Variants in CFAP91 observed in about 807,000 individuals in gnomAD.
The protein encoded by CFAP91 is cilia and flagella associated protein 91.
Under a neutral mutation model 95.9 loss-of-function variants are expected in CFAP91, and 85 were observed. The observed-to-expected ratio is 0.89, with a 90% CI of 0.74 to 1.06. The LOEUF (loss-of-function observed/expected upper bound fraction) is 1.06. CFAP91 is among the 50% of genes least tolerant of loss of function. CFAP91 has a pLI of 0.00. For missense variants in CFAP91, 962 were observed against 943.4 expected, an observed-to-expected ratio of 1.02 and a Z score of -0.26; for synonymous variants, 335 against 327.5, an observed-to-expected ratio of 1.02 and a Z score of -0.25.
chr3:119,711,205 A>G (rs974982504), intron 5 of CFAP91, among the ~76,000 whole-genome samples: 8 of 152,160 alleles, frequency 5.3e-5, no homozygotes, highest in Non-Finnish European at 7.4e-5. Flanking sequence ...ACATTTTTTT[A>G]AGACTGTGTG....
chr3:119,744,703 A>G (rs994724097), intron 14 of CFAP91, among the ~76,000 whole-genome samples: 1 of 152,188 alleles, frequency 6.6e-6, no homozygotes, highest in South Asian at 2.1e-4. Context: ...AGGAATCAGG[A>G]AATCAGTTTA....
Position 119,739,303 on chromosome 3 carries a change from C to T in CFAP91, c.1510C>T (p.Arg504Trp), listed in dbSNP as rs781412201. 36 of 1,613,992 alleles carry T rather than the reference C, an allele frequency of 2.2e-5. No homozygotes were observed. Among genetic ancestry groups the T allele is most frequent in the South Asian group, 5.5e-5 (5 of 91,086 alleles). ...TGTGATCTACCTTCAAAAGTTACTC[C>T]GGGGCAGAGTCGTTCAGAACATGGT... Reference protein sequence around the residue: ...MAVIYLQKLLRGRVVQNMMFE... With the variant: ...MAVIYLQKLLWGRVVQNMMFE... The change falls in exon 12 of 18, where the codon CGG (arginine) becomes TGG (tryptophan). Residue 504 changes from arginine (R) to tryptophan (W), a missense_variant. By Grantham distance (101) the Arg-to-Trp change is moderately radical. Coordinates refer to ENST00000273390, the MANE Select transcript of CFAP91 (RefSeq NM_033364.4).
intron 17 of CFAP91, among the ~76,000 whole-genome samples, chr3:119,752,877 C>A (rs181428012): frequency 2.6e-4 from 39 of 152,160 alleles, no homozygotes; most frequent in Non-Finnish European, 4.7e-4. Context: ...AGACACTCAA[C>A]AAAGATGACC....
intron 11 of CFAP91, among the ~76,000 whole-genome samples, chr3:119,738,864 A>G (rs1037226505): frequency 6.6e-6 from 1 of 152,264 alleles, no homozygotes; most frequent in African/African-American, 2.4e-5. Flanking sequence ...TTACTCTGAC[A>G]TAGACTAGCT....
intron 17 of CFAP91, among the ~76,000 whole-genome samples, chr3:119,753,332 A>G (rs1379148872): frequency 6.6e-6 from 1 of 152,166 alleles, no homozygotes; most frequent in Admixed American, 6.5e-5. Flanking sequence ...TCTATGCCCT[A>G]GTGGTAAGGG....
intron 6 of CFAP91, among the ~76,000 whole-genome samples, chr3:119,716,737 C>A (rs2107865229): frequency 6.6e-6 from 1 of 152,266 alleles, no homozygotes; most frequent in South Asian, 2.1e-4. Flanking sequence ...CAGGTGCATG[C>A]CACCACACCT....
intron 8 of CFAP91, among the ~76,000 whole-genome samples, chr3:119,731,078 T>G (rs1407375875): frequency 6.6e-6 from 1 of 151,996 alleles, no homozygotes; most frequent in Non-Finnish European, 1.5e-5. Context: ...CTCTACAAAT[T>G]TTTTTTAAAA....
intron 5 of CFAP91, 134 bp from the exon 6 acceptor site, chr3:119,715,428 A>G (rs2053555680): frequency 1.2e-6 from 1 of 800,968 alleles, no homozygotes; most frequent in South Asian, 1.4e-5. Context: ...TAATGGATTC[A>G]TGATTTTGTA....
intron 6 of CFAP91, among the ~76,000 whole-genome samples, chr3:119,716,460 T>TC (rs1446046305): frequency 2.0e-5 from 3 of 152,128 alleles, no homozygotes; most frequent in Non-Finnish European, 2.9e-5. Flanking sequence ...GAGATTACTT[T>TC]CCCCCGCATT....
chr3:119,720,647 AG>A (rs2053666800), intron 6 of CFAP91, among the ~76,000 whole-genome samples: 1 of 152,188 alleles, frequency 6.6e-6, no homozygotes, highest in African/African-American at 2.4e-5. Flanking sequence ...ACAGAATAAA[AG>A]TTAATTTATT....
intron 10 of CFAP91, among the ~76,000 whole-genome samples, chr3:119,736,088 C>G (rs2053997000): frequency 6.6e-6 from 1 of 151,784 alleles, no homozygotes; most frequent in Non-Finnish European, 1.5e-5. Flanking sequence ...TAAAATCACC[C>G]TTTAAAAATA....
chr3:119,753,996 A>C (rs892790595), intron 17 of CFAP91, among the ~76,000 whole-genome samples: 1 of 152,236 alleles, frequency 6.6e-6, no homozygotes, highest in African/African-American at 2.4e-5. Context: ...GCCCCAGCTG[A>C]CTAAGCCAGA....
intron 17 of CFAP91, among the ~76,000 whole-genome samples, chr3:119,751,862 C>T (rs9875512): frequency 0.016 from 2,508 of 152,250 alleles, 62 homozygotes; most frequent in African/African-American, 0.057. Flanking sequence ...AGGGTCCCCA[C>T]CATGGATTTG....
At chr3:119,734,719 A>G (rs2053967780) in intron 10 of CFAP91, among the ~76,000 whole-genome samples, 2 of 152,220 alleles carry the variant, frequency 1.3e-5, no homozygotes, top group Admixed American at 6.5e-5. Flanking sequence ...CATGAGTGAA[A>G]TGACCTTCTT....
In CFAP91 at chr3:119,752,377, G is replaced by A. The variant is rs1021192374; in HGVS notation, c.*1+1279G>A. The A allele has an allele frequency of 1.2e-4, 19 of 152,174 alleles. 1 individual carries two copies. Among genetic ancestry groups the A allele is most frequent in the Admixed American group, 5.9e-4 (9 of 15,280 alleles). 9.4% of individuals were successfully genotyped at this position (152,174 alleles called of 1,614,324 possible). ...AAGGAGGGTTGAGATGAGAGGGAAGGTAAGAAATATTGCAGAGAGAAAGCT... is the reference window on the plus strand; with the variant it reads ...AAGGAGGGTTGAGATGAGAGGGAAGATAAGAAATATTGCAGAGAGAAAGCT... On this transcript the variant is annotated intron_variant, in intron 17 of 17. Coordinates refer to ENST00000273390, the MANE Select transcript of CFAP91 (RefSeq NM_033364.4).
intron 17 of CFAP91, among the ~76,000 whole-genome samples, chr3:119,760,334 T>C (rs2054515577): frequency 6.6e-6 from 1 of 151,756 alleles, no homozygotes; most frequent in Non-Finnish European, 1.5e-5. Context: ...TCAAGAGGCT[T>C]TAACAATTAT....
chr3:119,747,446 A>C (rs116742231), intron 15 of CFAP91, 183 bp downstream of exon 15: 3,064 of 206,240 alleles, frequency 0.015, 31 homozygotes, highest in Middle Eastern at 0.035. Context: ...ATGTATTCTC[A>C]GTTATCCTCT....
intron 11 of CFAP91, 111 bp from the exon 12 acceptor site, chr3:119,739,144 T>G (rs2054068006): frequency 1.2e-6 from 1 of 814,672 alleles, no homozygotes; most frequent in South Asian, 1.5e-5. Context: ...TCTTTAAATC[T>G]TTTTGGCATC....
Position 119,756,526 on chromosome 3 carries a change from C to T in CFAP91, c.*1+5428C>T, listed in dbSNP as rs1368135156. ...ATTTAAGGACAGGTATGTGGATTGG[C>T]TTATTGACTGCATAAAAAAATTATA... On this transcript the variant is annotated intron_variant, in intron 17 of 17. Transcript: ENST00000273390. 3.3e-5 allele frequency among the ~76,000 whole-genome samples: 5 copies of T among 152,046 alleles called. 1 individual carries two copies. In the South Asian group the frequency reaches 1.0e-3, roughly 32 times the overall value.
Sources: allele counts gnomAD v4.1 joint callset (sites outside exome capture counted in the v4.1 genomes callset), GRCh38; gene constraint gnomAD v4.1.1; transcripts MANE v1.5; gene names NCBI Gene and HGNC (gene_info 2026-07-23, HGNC 2026-07-21).